Variants in RAB6A observed in about 807,000 individuals in gnomAD.
RAB6A encodes ras-related protein Rab-6A.
In RAB6A, 8 loss-of-function variants were observed where a neutral mutation model predicts 32.3. The ratio of observed to expected loss-of-function variants is 0.25; its 90% CI spans 0.15 to 0.45. RAB6A has a LOEUF of 0.45. RAB6A is among the 20% of genes least tolerant of loss of function. The pLI, the probability that RAB6A is intolerant of heterozygous loss-of-function variation, is 1.00. For missense variants in RAB6A, 104 were observed against 249.4 expected (o/e 0.42, Z 3.93); for synonymous variants, 73 against 82.1 (o/e 0.89, Z 0.60).
At chr11:73,730,282 T>C (rs1946283817) in intron 2 of RAB6A, 1 of 153,254 alleles carries the variant, frequency 6.5e-6, no homozygotes, top group African/African-American at 2.4e-5. Flanking sequence ...GTGTGCTGTG[T>C]TTTCTTTTTT....
intron 1 of RAB6A, among the ~76,000 whole-genome samples, chr11:73,736,284 C>G (rs1019844069): frequency 6.6e-6 from 1 of 151,510 alleles, no homozygotes; most frequent in African/African-American, 2.4e-5. Flanking sequence ...CAAAAATCAG[C>G]CGGGTGTGGT....
intron 1 of RAB6A, among the ~76,000 whole-genome samples, chr11:73,736,156 C>A (rs1438760983): frequency 6.6e-6 from 1 of 151,914 alleles, no homozygotes; most frequent in African/African-American, 2.4e-5. Context: ...AGGCCAGGTG[C>A]GGTGGCTCAT....
At chr11:73,686,257 TA>T (rs1323976671) in intron 6 of RAB6A, among the ~76,000 whole-genome samples, 1 of 152,112 alleles carries the variant, frequency 6.6e-6, no homozygotes, top group Non-Finnish European at 1.5e-5. Flanking sequence ...TTTCGGCTCT[TA>T]AGAATACCAG....
intron 1 of RAB6A, among the ~76,000 whole-genome samples, chr11:73,734,649 C>G (rs1169926180): frequency 6.6e-6 from 1 of 152,138 alleles, no homozygotes; most frequent in Non-Finnish European, 1.5e-5. Context: ...ACCTAGATCC[C>G]TCACATGCAC....
At chr11:73,726,581 CAAAAAA>C (rs60281561) in intron 2 of RAB6A, among the ~76,000 whole-genome samples, 43 of 29,866 alleles carry the variant, frequency 1.4e-3, no homozygotes, top group African/African-American at 5.1e-3. Flanking sequence ...GACTCTGTCT[CAAAAAA>C]AAAAAAAAAA....
chr11:73,718,496 C>T, intron 4 of RAB6A, 117 bp downstream of exon 4: 1 of 835,590 alleles, frequency 1.2e-6, no homozygotes, highest in Non-Finnish European at 1.8e-6. Flanking sequence ...ATGTAATTTA[C>T]TATGATAAAA....
intron 1 of RAB6A, among the ~76,000 whole-genome samples, chr11:73,748,519 T>C (rs1946626721): frequency 6.6e-6 from 1 of 151,982 alleles, no homozygotes; most frequent in Non-Finnish European, 1.5e-5. Context: ...CTCTAAAAAA[T>C]AAATAGACAC....
chr11:73,719,604 C>A (rs568783502), intron 3 of RAB6A, among the ~76,000 whole-genome samples: 8 of 152,012 alleles, frequency 5.3e-5, no homozygotes, highest in African/African-American at 1.7e-4. Flanking sequence ...AAAGTCGTTT[C>A]CAAGCTTTCA....
intron 5 of RAB6A, among the ~76,000 whole-genome samples, chr11:73,714,010 G>A (rs1057015654): frequency 4.0e-5 from 6 of 151,554 alleles, no homozygotes; most frequent in Non-Finnish European, 7.4e-5. Flanking sequence ...GGCCAACATG[G>A]GAAAACTCCG....
chr11:73,702,341 T>G (rs750883780), intron 6 of RAB6A, among the ~76,000 whole-genome samples: 15 of 152,110 alleles, frequency 9.9e-5, no homozygotes, highest in Non-Finnish European at 1.5e-4. Flanking sequence ...TCAAAAAAAT[T>G]TTTCTACTTT....
chr11:73,714,671 T>C (rs1235921833), intron 5 of RAB6A, among the ~76,000 whole-genome samples: 1 of 146,372 alleles, frequency 6.8e-6, no homozygotes, highest in Non-Finnish European at 1.5e-5. Context: ...CAAAAATAAA[T>C]AAATAAATAA....
intron 7 of RAB6A, 131 bp downstream of exon 7, chr11:73,679,523 G>T: frequency 8.7e-7 from 1 of 1,144,138 alleles, no homozygotes; most frequent in Middle Eastern, 2.1e-4. Context: ...GAAAACAAAT[G>T]AATTTCTATG....
At chr11:73,682,174 C>T (rs757155403) in intron 6 of RAB6A, among the ~76,000 whole-genome samples, 1 of 152,082 alleles carries the variant, frequency 6.6e-6, no homozygotes, top group Non-Finnish European at 1.5e-5. Context: ...GATAAATATT[C>T]TAGCTGAGTG....
At chr11:73,718,557 T>C (rs1463518085) in intron 4 of RAB6A, 56 bp downstream of exon 4, 4 of 1,403,740 alleles carry the variant, frequency 2.8e-6, no homozygotes, top group South Asian at 1.3e-5. Context: ...AGAACATGCA[T>C]GCAGCTAAGC....
rs566460341 is a variant in RAB6A, at chr11:73,704,704, A to T, written c.495+2716T>A. Among the ~76,000 whole-genome samples, 73 of 149,580 alleles carry T rather than the reference A, an allele frequency of 4.9e-4. 3 individuals carry two copies. In the South Asian group the frequency reaches 0.014, roughly 30 times the overall value. On this transcript the variant is annotated intron_variant, in intron 6 of 7. Coordinates refer to ENST00000336083, the MANE Select transcript of RAB6A (RefSeq NM_198896.2). ...ATCTCAAAAAAAATAAATAAATAAA[A>T]AATAAAAATAGTCTGGGTGCAGTGG...
In RAB6A at chr11:73,736,809, G is replaced by GAAAAAAAAAAAA. The variant is rs756237159; in HGVS notation, c.71-5998_71-5987dup. On this transcript the variant is annotated intron_variant, in intron 1 of 7. Coordinates refer to ENST00000336083, the MANE Select transcript of RAB6A (RefSeq NM_198896.2). Reference sequence around the variant, plus strand: ...TTCATCTCGAGAAAGAAAAAAAAAAGAAAAAAAAAAAAAAAAACAATTAGC... The same window carrying GAAAAAAAAAAAA: ...TTCATCTCGAGAAAGAAAAAAAAAAGAAAAAAAAAAAAAAAAAAAAAAAAAAAAACAATTAGC... Among the ~76,000 whole-genome samples, 333 of 108,574 alleles carry GAAAAAAAAAAAA rather than the reference G, an allele frequency of 3.1e-3. 7 individuals carry two copies. Among genetic ancestry groups the GAAAAAAAAAAAA allele is most frequent in the Middle Eastern group, 6.6e-3 (1 of 152 alleles). 71.2% of individuals were successfully genotyped at this position (108,574 alleles called of 152,430 possible). A position where few individuals can be genotyped will look rare whatever the true frequency, so the allele number is the denominator to read the frequency against.
chr11:73,678,106 TA>T, intron 7 of RAB6A, 144 bp from the exon 8 acceptor site: 1 of 815,038 alleles, frequency 1.2e-6, no homozygotes, highest in Admixed American at 2.2e-5. Flanking sequence ...CCTCACCATA[TA>T]AGGTGCTCAA....
chr11:73,689,153 G>C (rs553005331), intron 6 of RAB6A, among the ~76,000 whole-genome samples: 3 of 152,200 alleles, frequency 2.0e-5, no homozygotes, highest in African/African-American at 7.2e-5. Flanking sequence ...TCTAAGGGCA[G>C]CCACCTATGA....
intron 6 of RAB6A, among the ~76,000 whole-genome samples, chr11:73,683,714 G>A (rs1284344544): frequency 2.6e-5 from 4 of 151,850 alleles, no homozygotes; most frequent in Non-Finnish European, 5.9e-5. Context: ...CACCACACAG[G>A]GCTAATTCTT....
Sources: gnomAD v4.1 joint callset for allele counts (sites outside exome capture counted in the v4.1 genomes callset) on GRCh38, gnomAD v4.1.1 for gene constraint, MANE v1.5 for transcripts, NCBI Gene and HGNC (gene_info 2026-07-23, HGNC 2026-07-21) for gene names.